The following LRRC7 variants were observed in gnomAD, a reference collection of about 807,000 sequenced individuals.
LRRC7 encodes leucine rich repeat containing 7, also known as leucine-rich repeat-containing protein 7.
LRRC7 carries 23 observed loss-of-function variants against 175.7 expected under a neutral mutation model. The ratio of observed to expected loss-of-function variants is 0.13; its 90% CI spans 0.09 to 0.19. LRRC7 has a LOEUF of 0.19. LRRC7 is among the 10% of genes least tolerant of loss of function. LRRC7 has a pLI of 1.00. For synonymous variants in LRRC7, 685 were observed against 680.9 expected (o/e 1.01, Z -0.09); for missense variants, 1,354 against 1,904.7 (o/e 0.71, Z 5.38).
At chr1:70,087,427 A>G (rs919629493) in intron 24 of LRRC7, among the ~76,000 whole-genome samples, 16 of 152,190 alleles carry the variant, frequency 1.1e-4, no homozygotes, top group African/African-American at 3.9e-4. Context: ...GGAAATGCAT[A>G]GAAACATTGA....
intron 7 of LRRC7, among the ~76,000 whole-genome samples, chr1:69,880,106 G>A (rs986418298): frequency 3.3e-4 from 50 of 152,142 alleles, no homozygotes; most frequent in African/African-American, 1.1e-3. Flanking sequence ...GTTTGCATAC[G>A]CTGGGTAGGG....
intron 8 of LRRC7, among the ~76,000 whole-genome samples, chr1:69,944,204 C>T (rs573097013): frequency 9.9e-5 from 15 of 151,988 alleles, no homozygotes; most frequent in East Asian, 1.9e-4. Context: ...TCAGATATGT[C>T]GTTTCAGCAG....
chr1:69,888,338 C>T (rs1645718518), intron 7 of LRRC7, among the ~76,000 whole-genome samples: 1 of 152,180 alleles, frequency 6.6e-6, no homozygotes, highest in East Asian at 1.9e-4. Flanking sequence ...TTTTTTAAGC[C>T]AGTCTGAAAA....
chr1:69,842,691 G>T (rs571447801), intron 7 of LRRC7, among the ~76,000 whole-genome samples: 95 of 152,118 alleles, frequency 6.2e-4, no homozygotes, highest in Non-Finnish European at 1.1e-3. Context: ...GAAGTTCTAA[G>T]TGGAAAGATA....
intron 1 of LRRC7, among the ~76,000 whole-genome samples, chr1:69,652,906 T>C (rs116256446): frequency 0.017 from 2,563 of 152,124 alleles, 67 homozygotes; most frequent in African/African-American, 0.059. Context: ...CTTCAAGAAA[T>C]AGTGTGGGGA....
rs532063540 is a variant in LRRC7, at chr1:69,865,469, C to CTTTTTTTTTTTTTTTTTTTTTTTTT, written c.647+27187_647+27211dup. The stretch of plus-strand genomic sequence containing the variant: ...ATAAGCAAGCTGCTGAAGACAGTTC[C>CTTTTTTTTTTTTTTTTTTTTTTTTT]TTTTTTTTTTTTTTTTTTTTTTTTT... On this transcript the variant is annotated intron_variant, in intron 7 of 26. Transcript: ENST00000651989. 5.4e-3 allele frequency among the ~76,000 whole-genome samples: 276 copies of CTTTTTTTTTTTTTTTTTTTTTTTTT among 51,262 alleles called. 73 individuals carry two copies. Among genetic ancestry groups the CTTTTTTTTTTTTTTTTTTTTTTTTT allele is most frequent in the South Asian group, 9.2e-3 (10 of 1,086 alleles). The allele number at this position is 51,262 out of a possible 152,430, so 33.6% of individuals were successfully genotyped here.
At chr1:69,728,443 G>A (rs1488536422) in intron 2 of LRRC7, among the ~76,000 whole-genome samples, 1 of 152,166 alleles carries the variant, frequency 6.6e-6, no homozygotes, top group Non-Finnish European at 1.5e-5. Context: ...AGGGAAGGAA[G>A]GATAAAGCTA....
In LRRC7 at chr1:69,790,515, G is replaced by T. The variant is rs1674983413; in HGVS notation, c.304-1528G>T. ...CATTAGCCTGAACATGGCTTGAAAT[G>T]GTTATATAATAGTGATCAGACTAGA... On this transcript the variant is annotated intron_variant, in intron 3 of 26. Transcript: ENST00000651989. Among the ~76,000 whole-genome samples the T allele has an allele frequency of 2.0e-5, 3 of 151,936 alleles. 1 individual carries two copies. Among genetic ancestry groups the T allele is most frequent in the African/African-American group, 7.2e-5 (3 of 41,414 alleles).
At chr1:69,916,214 T>TTATATATATTA (rs1646707802) in intron 7 of LRRC7, among the ~76,000 whole-genome samples, 5 of 13,166 alleles carry the variant, frequency 3.8e-4, no homozygotes, top group Admixed American at 2.5e-3. Flanking sequence ...AAATAAAATT[T>TTATATATATTA]TATTATGTAT....
At chr1:69,753,197 A>T (rs1670026303) in intron 2 of LRRC7, among the ~76,000 whole-genome samples, 1 of 152,068 alleles carries the variant, frequency 6.6e-6, no homozygotes, top group African/African-American at 2.4e-5. Context: ...ATATTAAAAG[A>T]TCACTGGATA....
intron 25 of LRRC7, among the ~76,000 whole-genome samples, chr1:70,103,152 C>A (rs531303194): frequency 1.3e-5 from 2 of 151,872 alleles, no homozygotes; most frequent in South Asian, 4.2e-4. Context: ...TCACCTGAAC[C>A]CAGGAGGCAA....
chr1:69,691,797 CAAAA>C (rs57676937), intron 2 of LRRC7, among the ~76,000 whole-genome samples: 70 of 85,196 alleles, frequency 8.2e-4, no homozygotes, highest in East Asian at 3.4e-3. Flanking sequence ...GACCCTGTCT[CAAAA>C]AAAAAAAAAA....
intron 4 of LRRC7, among the ~76,000 whole-genome samples, chr1:69,820,564 A>G (rs1311987016): frequency 6.6e-6 from 1 of 151,860 alleles, no homozygotes; most frequent in Non-Finnish European, 1.5e-5. Context: ...CCCTGTGTCC[A>G]TGTGTTCTCA....
intron 2 of LRRC7, among the ~76,000 whole-genome samples, chr1:69,708,084 G>A (rs1489480534): frequency 6.6e-6 from 1 of 152,080 alleles, no homozygotes; most frequent in Non-Finnish European, 1.5e-5. Context: ...GCCTTATCTG[G>A]CATTCTTAGA....
rs1052395528 is a variant in LRRC7, at chr1:70,135,529, G to A, written c.*13642G>A. ...GAAGCTGTCACTTAAAATGCACTGA[G>A]ATCCTTTTGAAACATCTCACGCACT... On this transcript the variant is annotated 3_prime_UTR_variant, in exon 27 of 27. Transcript: ENST00000651989. Among the ~76,000 whole-genome samples the A allele has an allele frequency of 2.0e-5, 3 of 152,152 alleles. No individual in the cohort carries two copies. Among genetic ancestry groups the A allele is most frequent in the Admixed American group, 6.5e-5 (1 of 15,268 alleles).
intron 11 of LRRC7, among the ~76,000 whole-genome samples, chr1:70,009,989 C>CT (rs1472916943): frequency 1.3e-5 from 2 of 152,186 alleles, no homozygotes; most frequent in Non-Finnish European, 1.5e-5. Flanking sequence ...TCATGACCCA[C>CT]TATCACCAGC....
In LRRC7 at chr1:69,927,088, A is replaced by G. The variant is rs561327239; in HGVS notation, c.648-4419A>G. Among the ~76,000 whole-genome samples the G allele has an allele frequency of 5.9e-5, 9 of 152,340 alleles. No homozygotes were observed. In the East Asian group the frequency reaches 1.7e-3, roughly 29 times the overall value. On this transcript the variant is annotated intron_variant, in intron 7 of 26. Coordinates refer to ENST00000651989, the MANE Select transcript of LRRC7 (RefSeq NM_001370785.2). Reference sequence around the variant, plus strand: ...ATGAAGATTAGTTTGGCTGGATATGAAATTGTGGGTTGAAAATTCTTTCCT... The same window carrying G: ...ATGAAGATTAGTTTGGCTGGATATGGAATTGTGGGTTGAAAATTCTTTCCT...
chr1:69,875,615 A>T (rs892055995), intron 7 of LRRC7, among the ~76,000 whole-genome samples: 2 of 152,022 alleles, frequency 1.3e-5, no homozygotes, highest in African/African-American at 2.4e-5. Context: ...TGTGACTCTA[A>T]TCTTTTATTC....
chr1:69,931,948 C>T (rs546915531), intron 8 of LRRC7, among the ~76,000 whole-genome samples: 2 of 152,262 alleles, frequency 1.3e-5, no homozygotes, highest in Non-Finnish European at 2.9e-5. Flanking sequence ...ATGCAAAGAC[C>T]GTACCTTGAA....
Sources: gnomAD v4.1 joint callset for allele counts (sites outside exome capture counted in the v4.1 genomes callset) on GRCh38, gnomAD v4.1.1 for gene constraint, MANE v1.5 for transcripts, NCBI Gene and HGNC (gene_info 2026-07-23, HGNC 2026-07-21) for gene names.